Variants in CSPG4 observed in about 807,000 individuals in gnomAD.
CSPG4 encodes the protein chondroitin sulfate proteoglycan 4 (melanoma-associated).
In CSPG4, 74 loss-of-function variants were observed where a neutral mutation model predicts 139.3. That is an observed-to-expected ratio of 0.53 (90% CI 0.44 to 0.64). The LOEUF (loss-of-function observed/expected upper bound fraction) is 0.64, where lower values mean the gene tolerates loss of function less well. Ranked by LOEUF, CSPG4 falls within the 30% of genes least tolerant of loss-of-function variation. The probability of loss-of-function intolerance (pLI) is 0.00; values close to 1 mark genes in which losing one functional copy is unlikely to be tolerated. For missense variants in CSPG4, 2,565 were observed against 3,148.3 expected (o/e 0.81, Z 4.43); for synonymous variants, 1,234 against 1,394.2 (o/e 0.89, Z 2.56).
chr15:75,688,613 G>T lies in CSPG4; in HGVS notation c.2452C>A (p.Pro818Thr). The T allele has an allele frequency of 6.2e-7, 1 of 1,612,876 alleles. No individual in the cohort carries two copies. The highest frequency in any genetic ancestry group is 8.5e-7 in the Non-Finnish European group (1 of 1,179,902). ...EATLEEAGPSPPTFHYEVVQA... is the reference protein window; with the variant it reads ...EATLEEAGPSTPTFHYEVVQA... ...ACCACCTCATAATGGAAGGTTGGGG[G>T]GCTTGGGCCTGCCTCCTCCAGGGTG... is the stretch of plus-strand genomic sequence containing the variant. The change falls in exon 3 of 10, where the codon CCC (proline) becomes ACC (threonine). Residue 818 changes from proline (P) to threonine (T), a missense_variant. Physicochemically the swap from Pro to Thr is conservative, Grantham distance 38. Coordinates refer to ENST00000308508, the MANE Select transcript of CSPG4 (RefSeq NM_001897.5).
chr15:75,703,320 G>A (rs1054575441), intron 1 of CSPG4, among the ~76,000 whole-genome samples: 2 of 150,318 alleles, frequency 1.3e-5, no homozygotes, highest in African/African-American at 4.9e-5. Context: ...TGAGAGATCG[G>A]GGGTGCTCTG....
rs992996329 is a variant in CSPG4 at position 75,696,845 on chromosome 15, G to C, written c.89-3612C>G. On this transcript the variant is annotated intron_variant, in intron 1 of 9. Coordinates refer to ENST00000308508, the MANE Select transcript of CSPG4 (RefSeq NM_001897.5). The surrounding 1 kb of genome is among the most constrained non-coding windows in gnomAD (Gnocchi z 4.2). ...CTTCCCTGCCAAGTCCCTTCTCAGG[G>C]GCTAGAGGAAACCTCGGTCAAGGTC... 2.0e-5 allele frequency among the ~76,000 whole-genome samples: 3 copies of C among 152,184 alleles called. No individual in the cohort carries two copies. Among genetic ancestry groups the C allele is most frequent in the African/African-American group, 7.2e-5 (3 of 41,446 alleles).
At chr15:75,680,578 G>A (rs1893959606) in intron 8 of CSPG4, 1 of 152,838 alleles carries the variant, frequency 6.5e-6, no homozygotes, top group Admixed American at 6.5e-5. Flanking sequence ...CCCCAGGAGT[G>A]GGAGTGGGAG....
At chr15:75,691,297 C>G (rs1894162740) in intron 2 of CSPG4, among the ~76,000 whole-genome samples, 1 of 152,202 alleles carries the variant, frequency 6.6e-6, no homozygotes, top group South Asian at 2.1e-4. Context: ...TATTCATCCT[C>G]CAAACACTCA....
chr15:75,690,457 G>A lies in CSPG4; in HGVS notation c.608C>T (p.Ala203Val). The A allele has an allele frequency of 6.2e-7, 1 of 1,607,592 alleles. No individual in the cohort carries two copies. The highest frequency in any genetic ancestry group is 8.5e-7 in the Non-Finnish European group (1 of 1,177,356). ...AEEFSASDDV[A>V]LGFSGPHSLA... ...AGAGTGGGGCCCAGAGAAGCCCAGG[G>A]CCACATCATCACTGGCAGAAAACTC... The change falls in exon 3 of 10, where the codon GCC (alanine) becomes GTC (valine). Residue 203 changes from alanine (A) to valine (V), a missense_variant. Around this residue, in one of 5 missense-constraint regions of CSPG4, gnomAD observed 40 missense variants for 89.0 expected, o/e 0.45. Coordinates refer to ENST00000308508, the MANE Select transcript of CSPG4 (RefSeq NM_001897.5).
intron 1 of CSPG4, among the ~76,000 whole-genome samples, chr15:75,699,657 A>G (rs1359288737): frequency 6.6e-6 from 1 of 151,990 alleles, no homozygotes. Flanking sequence ...GCAGGAGGGG[A>G]AATGAGAGGT....
At position 75,676,957 on chromosome 15, in the gene CSPG4, G is replaced by A. The variant is rs1445788435; in HGVS notation, c.5562C>T (p.Ala1854=). ...TRGSRAPISR[A]QLSVVDPDSA... is the part of the protein sequence containing the mutation. ...AGTCTGGGTCCACCACACTCAGCTG[G>A]GCCCGGGAGATGGGGGCACGAGAGC... is the stretch of plus-strand genomic sequence containing the variant. The change falls in exon 10 of 10, where the codon GCC becomes GCT. Residue 1854 remains alanine, a synonymous_variant. Transcript: ENST00000308508. 3 of 1,511,922 alleles carry A rather than the reference G, an allele frequency of 2.0e-6. No individual in the cohort carries two copies. Among genetic ancestry groups the A allele is most frequent in the African/African-American group, 2.8e-5 (2 of 72,192 alleles). The allele number at this position is 1,511,922 out of a possible 1,614,324, so 93.7% of individuals were successfully genotyped here.
intron 1 of CSPG4, among the ~76,000 whole-genome samples, chr15:75,711,659 C>T (rs1894448484): frequency 6.6e-6 from 1 of 152,234 alleles, no homozygotes; most frequent in Admixed American, 6.5e-5. Context: ...AAGGGTGTGG[C>T]CTGGGCCCTT....
In CSPG4 at chr15:75,677,633, C is replaced by T. The variant is rs982240111; in HGVS notation, c.5134+70G>A. On this transcript the variant is annotated intron_variant, in intron 9 of 9. Coordinates refer to ENST00000308508, the MANE Select transcript of CSPG4 (RefSeq NM_001897.5). ...AGACAGGAGCTGCTGACCCTGGCCT[C>T]GTGTCCCCTCCTCCTGGGCCTCTCC... 8.1e-6 allele frequency: 12 copies of T among 1,489,604 alleles called. No individual in the cohort carries two copies. In the African/African-American group the frequency reaches 1.3e-4, roughly 16 times the overall value. 92.3% of individuals were successfully genotyped at this position (1,489,604 alleles called of 1,614,324 possible). A position where few individuals can be genotyped will look rare whatever the true frequency, so the allele number is the denominator to read the frequency against.
At chr15:75,685,036 A>T in intron 4 of CSPG4, 124 bp from the exon 5 acceptor site, 1 of 1,278,442 alleles carries the variant, frequency 7.8e-7, no homozygotes, top group Non-Finnish European at 1.1e-6. Flanking sequence ...TGGGGACCAT[A>T]AGTTCTGGCT....
At chr15:75,707,978 C>G (rs545308557) in intron 1 of CSPG4, among the ~76,000 whole-genome samples, 1 of 151,662 alleles carries the variant, frequency 6.6e-6, no homozygotes, top group African/African-American at 2.4e-5. Flanking sequence ...GAGCCCTCCC[C>G]CTAATCTCCT....
At position 75,675,757 on chromosome 15, in the gene CSPG4, C is replaced by T. The variant is rs753811139; in HGVS notation, c.6762G>A (p.Lys2254=). Residue 2254 remains lysine (K), a synonymous_variant, in exon 10 of 10, where the codon AAG becomes AAA. Coordinates refer to ENST00000308508, the MANE Select transcript of CSPG4 (RefSeq NM_001897.5). Reference sequence around the variant, plus strand: ...TGGCAGTCAGGACCTGGACGTCATGCTTGCCCGTCTTGTTGCGTTTTCGGA... The same window carrying T: ...TGGCAGTCAGGACCTGGACGTCATGTTTGCCCGTCTTGTTGCGTTTTCGGA... ...FYLRKRNKTG[K]HDVQVLTAKP... is the part of the protein sequence containing the mutation. 1 of 1,611,438 alleles carries T rather than the reference C, an allele frequency of 6.2e-7. No individual in the cohort carries two copies. Among genetic ancestry groups the T allele is most frequent in the South Asian group, 1.1e-5 (1 of 90,846 alleles).
rs4886730 is a variant in CSPG4, at chr15:75,689,209, C to T, written c.1856G>A (p.Arg619Gln). 9,767 of 1,608,634 alleles carry T rather than the reference C, an allele frequency of 6.1e-3. 228 individuals are homozygous for T. The East Asian group carries it at 0.095, about 16-fold the overall frequency. Reference sequence around the variant, plus strand: ...GACTAGGCTGCCGGCCTCCAACTCCCGGCAGGAGAACTCGGTCGCCGGCTC... The same window carrying T: ...GACTAGGCTGCCGGCCTCCAACTCCTGGCAGGAGAACTCGGTCGCCGGCTC... Reference protein sequence around the residue: ...PGEPATEFSCRELEAGSLVYV... With the variant: ...PGEPATEFSCQELEAGSLVYV... Residue 619 changes from arginine to glutamine, a missense_variant, in exon 3 of 10, where the codon CGG (arginine) becomes CAG (glutamine). Arg to Gln is a conservative substitution (Grantham distance 43, BLOSUM62 1). Transcript: ENST00000308508.
Position 75,675,753 on chromosome 15 carries a change from C to T in CSPG4, c.6766G>A (p.Asp2256Asn), listed in dbSNP as rs1229089480. The T allele has an allele frequency of 1.9e-6, 3 of 1,610,652 alleles. No individual in the cohort carries two copies. Among genetic ancestry groups the T allele is most frequent in the Middle Eastern group, 1.7e-4 (1 of 6,036 alleles). ...GGCTTGGCAGTCAGGACCTGGACGT[C>T]ATGCTTGCCCGTCTTGTTGCGTTTT... ...LRKRNKTGKH[D>N]VQVLTAKPRN... is the part of the protein sequence containing the mutation. The change falls in exon 10 of 10, where the codon GAC (aspartate) becomes AAC (asparagine). Residue 2256 changes from aspartate to asparagine, a missense_variant. Coordinates refer to ENST00000308508, the MANE Select transcript of CSPG4 (RefSeq NM_001897.5).
Position 75,677,111 on chromosome 15 carries a change from T to C in CSPG4, c.5408A>G (p.His1803Arg), listed in dbSNP as rs1165678746. The C allele has an allele frequency of 2.1e-6, 3 of 1,407,306 alleles. No individual in the cohort carries two copies. The highest frequency in any genetic ancestry group is 2.8e-6 in the Non-Finnish European group (3 of 1,076,426). 87.2% of individuals were successfully genotyped at this position (1,407,306 alleles called of 1,614,324 possible). Reference sequence around the variant, plus strand: ...GGAGGCCCCTGCTGGCCCCTGGAGGTGGGCACGAAAGTGGAAGCCATCCTG... The same window carrying C: ...GGAGGCCCCTGCTGGCCCCTGGAGGCGGGCACGAAAGTGGAAGCCATCCTG... The part of the protein sequence containing the change: ...TQQDGFHFRA[H>R]LQGPAGASVA... Residue 1803 changes from histidine to arginine, a missense_variant, in exon 10 of 10, where the codon CAC (histidine) becomes CGC (arginine). By Grantham distance (29) the His-to-Arg change is conservative (BLOSUM62 0). Transcript: ENST00000308508.
chr15:75,712,663 C>A lies in CSPG4; in HGVS notation c.88+5G>T. 6.4e-7 allele frequency: 1 copy of A among 1,556,416 alleles called. No individual in the cohort carries two copies. ...CTGGGTCGGGGTCTCAGGCCCCTCA[C>A]TCACCCGCGGATGCAAGTCTGGCCA... is the stretch of plus-strand genomic sequence containing the variant. On this transcript the variant is annotated splice_donor_5th_base_variant and intron_variant, in intron 1 of 9. Coordinates refer to ENST00000308508, the MANE Select transcript of CSPG4 (RefSeq NM_001897.5).
In CSPG4 at chr15:75,690,360, C is replaced by A; in HGVS notation, c.705G>T (p.Arg235=). The change falls in exon 3 of 10, where the codon CGG becomes CGT. Residue 235 remains arginine (R), a synonymous_variant. Transcript: ENST00000308508. ...CTGCCTGGAAGGCCAAGGGTGCCTG[C>A]CGGCTCTGTGTGGTGAGTGTAAACT... is the stretch of plus-strand genomic sequence containing the variant. ...TLEFTLTTQS[R]QAPLAFQAGG... 1 of 1,611,784 alleles carries A rather than the reference C, an allele frequency of 6.2e-7. No homozygotes were observed.
chr15:75,709,496 A>T (rs1404823024), intron 1 of CSPG4, among the ~76,000 whole-genome samples: 1 of 152,178 alleles, frequency 6.6e-6, no homozygotes, highest in Non-Finnish European at 1.5e-5. Context: ...TCCTGTGCTC[A>T]CTTCCTTCCC....
intron 1 of CSPG4, among the ~76,000 whole-genome samples, chr15:75,693,838 C>T (rs1046156113): frequency 6.6e-6 from 1 of 152,278 alleles, no homozygotes; most frequent in African/African-American, 2.4e-5. Flanking sequence ...ATCCCCGCTT[C>T]TCTCTCAGGC....
Sources: gnomAD v4.1 joint callset for allele counts (sites outside exome capture counted in the v4.1 genomes callset) on GRCh38, gnomAD v4.1.1 for gene constraint, gnomAD v4.1.1 regional missense constraint, Gnocchi (gnomAD v3.1) non-coding constraint, MANE v1.5 for transcripts, NCBI Gene and HGNC (gene_info 2026-07-23, HGNC 2026-07-21) for gene names.